Variants in GRIN2B observed in about 807,000 individuals in gnomAD.
The protein encoded by GRIN2B is glutamate receptor ionotropic, NMDA 2B.
A neutral mutation model predicts 114.5 loss-of-function variants in GRIN2B; 5 were observed. The observed-to-expected ratio is 0.04, with a 90% confidence interval of 0.02 to 0.09. The LOEUF (loss-of-function observed/expected upper bound fraction) is 0.09. Among genes scored for constraint, GRIN2B ranks in the 10% least tolerant of loss-of-function variants. GRIN2B has a pLI of 1.00. For synonymous variants in GRIN2B, 787 were observed against 745.1 expected (o/e 1.06, Z -0.92); for missense variants, 1,108 against 1,943.5 (o/e 0.57, Z 8.08).
intron 3 of GRIN2B, among the ~76,000 whole-genome samples, chr12:13,809,898 G>C (rs1448986132): frequency 6.6e-6 from 1 of 152,114 alleles, no homozygotes; most frequent in Non-Finnish European, 1.5e-5. Flanking sequence ...GAAATGTTAG[G>C]CTGCTCTGTG....
At chr12:13,873,124 C>T (rs1399185419) in intron 2 of GRIN2B, among the ~76,000 whole-genome samples, 4 of 152,120 alleles carry the variant, frequency 2.6e-5, no homozygotes, top group African/African-American at 9.7e-5. Context: ...AGAACAGATC[C>T]AAAATAATTT....
rs754941665 is a variant in GRIN2B, at chr12:13,921,351, T to C, written c.-18-55125A>G. On this transcript the variant is annotated intron_variant, in intron 2 of 13. Transcript: ENST00000609686. Reference sequence around the variant, plus strand: ...AGGCAGAAGTTGCAATGAACCTAGATTGTGCCACTGCCACTATACTCCAGC... The same window carrying C: ...AGGCAGAAGTTGCAATGAACCTAGACTGTGCCACTGCCACTATACTCCAGC... 4.5e-4 allele frequency among the ~76,000 whole-genome samples: 69 copies of C among 152,132 alleles called. 1 individual carries two copies. Among genetic ancestry groups the C allele is most frequent in the Non-Finnish European group, 8.1e-4 (55 of 68,028 alleles).
At chr12:13,811,277 A>C (rs1350579022) in intron 3 of GRIN2B, among the ~76,000 whole-genome samples, 1 of 152,240 alleles carries the variant, frequency 6.6e-6, no homozygotes, top group African/African-American at 2.4e-5. Flanking sequence ...GTGATCACTC[A>C]GCTGAGCATG....
chr12:13,681,231 A>C (rs1291455753), intron 4 of GRIN2B, among the ~76,000 whole-genome samples: 1 of 152,140 alleles, frequency 6.6e-6, no homozygotes, highest in Non-Finnish European at 1.5e-5. Flanking sequence ...CTAATGTGTC[A>C]ATCAGAGAAG....
chr12:13,957,192 G>C (rs1356215145), intron 2 of GRIN2B, among the ~76,000 whole-genome samples: 1 of 152,110 alleles, frequency 6.6e-6, no homozygotes, highest in Non-Finnish European at 1.5e-5. Flanking sequence ...GCTTCCACTG[G>C]ACTCGGCTCA....
intron 2 of GRIN2B, among the ~76,000 whole-genome samples, chr12:13,934,346 G>C (rs1460825217): frequency 6.6e-6 from 1 of 152,182 alleles, no homozygotes; most frequent in Non-Finnish European, 1.5e-5. Context: ...AAACTATTTG[G>C]AAACAGGGTT....
intron 9 of GRIN2B, among the ~76,000 whole-genome samples, chr12:13,610,175 T>A (rs1565475331): frequency 6.6e-6 from 1 of 152,232 alleles, no homozygotes; most frequent in African/African-American, 2.4e-5. Flanking sequence ...GTGTGGACCT[T>A]ATTTCATGCA....
chr12:13,753,227 G>C lies in GRIN2B; in HGVS notation c.1010+90C>G, dbSNP rs1310927587. 1.2e-6 allele frequency: 1 copy of C among 845,798 alleles called. No homozygotes were observed. Among genetic ancestry groups the C allele is most frequent in the East Asian group, 2.4e-5 (1 of 41,534 alleles). The allele number at this position is 845,798 out of a possible 1,614,324, so 52.4% of individuals were successfully genotyped here. On this transcript the variant is annotated intron_variant, in intron 4 of 13. Transcript: ENST00000609686. The surrounding 1 kb of genome is among the most constrained non-coding windows in gnomAD (Gnocchi z 6.2). Reference sequence around the variant, plus strand: ...CTTCAACCTGCTACCGTCTTGAACTGTTCTTCCTGCAGTTTCTGAACTTCC... The same window carrying C: ...CTTCAACCTGCTACCGTCTTGAACTCTTCTTCCTGCAGTTTCTGAACTTCC...
At chr12:13,921,953 T>C (rs1866831288) in intron 2 of GRIN2B, among the ~76,000 whole-genome samples, 1 of 152,180 alleles carries the variant, frequency 6.6e-6, no homozygotes, top group African/African-American at 2.4e-5. Flanking sequence ...TTGTTAAATA[T>C]GCAACCTTGA....
At chr12:13,644,778 A>G (rs1949747963) in intron 5 of GRIN2B, among the ~76,000 whole-genome samples, 1 of 152,176 alleles carries the variant, frequency 6.6e-6, no homozygotes, top group Non-Finnish European at 1.5e-5. Context: ...TGTTATGAAC[A>G]TGGCTTCTTT....
chr12:13,876,672 C>A (rs16909536), intron 2 of GRIN2B, among the ~76,000 whole-genome samples: 1,627 of 152,290 alleles, frequency 0.011, 32 homozygotes, highest in African/African-American at 0.038. Context: ...AGTCACACGT[C>A]AGATTTGGAA....
rs772315429 is a variant in GRIN2B, at chr12:13,563,629, G to A, written c.3609C>T (p.Asn1203=). ...VPAPWEKNLT[N]VEWEDRSGGN... ...CCCCGGACCGGTCCTCCCACTCCAC[G>A]TTGGTCAGGTTCTTCTCCCAAGGTG... is the stretch of plus-strand genomic sequence containing the variant. Residue 1203 remains asparagine, a synonymous_variant, in exon 14 of 14, where the codon AAC becomes AAT. Transcript: ENST00000609686. 3 of 1,613,876 alleles carry A rather than the reference G, an allele frequency of 1.9e-6. No homozygotes were observed. The highest frequency in any genetic ancestry group is 4.5e-5 in the East Asian group (2 of 44,866).
intron 10 of GRIN2B, among the ~76,000 whole-genome samples, chr12:13,575,813 G>A (rs983136503): frequency 6.6e-6 from 1 of 151,912 alleles, no homozygotes; most frequent in African/African-American, 2.4e-5. Context: ...CATGAACATG[G>A]GCAAGTTCCT....
intron 3 of GRIN2B, among the ~76,000 whole-genome samples, chr12:13,796,320 A>G (rs1214171041): frequency 6.6e-6 from 1 of 152,082 alleles, no homozygotes. Flanking sequence ...TTGGGCCCCA[A>G]CCCCAGTCTC....
intron 3 of GRIN2B, among the ~76,000 whole-genome samples, chr12:13,829,963 G>T (rs924416692): frequency 1.3e-5 from 2 of 152,178 alleles, no homozygotes; most frequent in African/African-American, 4.8e-5. Context: ...AAGGCAGTAG[G>T]GGTAGGAGGG....
chr12:13,899,710 A>G (rs533846536), intron 2 of GRIN2B, among the ~76,000 whole-genome samples: 2 of 144,456 alleles, frequency 1.4e-5, no homozygotes, highest in Non-Finnish European at 3.2e-5. Context: ...TACACAAAGA[A>G]GAGCATGTTA....
rs117732660 is a variant in GRIN2B, at chr12:13,889,699, A to G, written c.-18-23473T>C. ...GCCAAACTCATTTTCCCCCGAAACT[A>G]TCATGCTGTCAACCTCCTGGCATTA... On this transcript the variant is annotated intron_variant, in intron 2 of 13. Coordinates refer to ENST00000609686, the MANE Select transcript of GRIN2B (RefSeq NM_000834.5). 7.9e-5 allele frequency among the ~76,000 whole-genome samples: 12 copies of G among 152,300 alleles called. No individual in the cohort carries two copies. The East Asian group carries it at 1.2e-3, about 15-fold the overall frequency.
intron 5 of GRIN2B, among the ~76,000 whole-genome samples, chr12:13,674,714 T>C (rs1481768642): frequency 6.6e-6 from 1 of 152,178 alleles, no homozygotes; most frequent in Non-Finnish European, 1.5e-5. Context: ...GTGGAAGTTG[T>C]CTTAAATCAG....
chr12:13,776,640 TAAAC>T (rs1256505620), intron 3 of GRIN2B, among the ~76,000 whole-genome samples: 4 of 152,018 alleles, frequency 2.6e-5, no homozygotes, highest in African/African-American at 7.2e-5. Context: ...AAAACAGAAA[TAAAC>T]AAGATTAATA....
Sources: allele counts gnomAD v4.1 joint callset (sites outside exome capture counted in the v4.1 genomes callset), GRCh38; gene constraint gnomAD v4.1.1; non-coding constraint Gnocchi (gnomAD v3.1); transcripts MANE v1.5; gene names NCBI Gene and HGNC (gene_info 2026-07-23, HGNC 2026-07-21).